Variants in OR9Q1 observed in about 807,000 individuals in gnomAD.
OR9Q1 encodes the protein olfactory receptor family 9 subfamily Q member 1, also known as olfactory receptor 9Q1.
For missense variants in OR9Q1, 374 were observed against 378.8 expected, an observed-to-expected ratio of 0.99 and a Z score of 0.11; for synonymous variants, 153 against 148.6, an observed-to-expected ratio of 1.03 and a Z score of -0.22.
At chr11:58,060,948 C>T (rs894639573) in intron 2 of OR9Q1, among the ~76,000 whole-genome samples, 7 of 152,186 alleles carry the variant, frequency 4.6e-5, no homozygotes, top group African/African-American at 7.2e-5. Flanking sequence ...CTGGGATCAT[C>T]GCCTTTGTCA....
intron 2 of OR9Q1, among the ~76,000 whole-genome samples, chr11:58,178,785 A>G (rs1854628399): frequency 6.6e-6 from 1 of 151,358 alleles, no homozygotes; most frequent in Non-Finnish European, 1.5e-5. Context: ...TCAACATGCT[A>G]AGATGACTCT....
At chr11:58,167,863 G>T (rs925008166) in intron 2 of OR9Q1, among the ~76,000 whole-genome samples, 1 of 152,246 alleles carries the variant, frequency 6.6e-6, no homozygotes, top group East Asian at 1.9e-4. Flanking sequence ...TTCAGAAATG[G>T]CACACCATCC....
At chr11:58,109,758 G>A in intron 2 of OR9Q1, 3 of 363,150 alleles carry the variant, frequency 8.3e-6, no homozygotes, top group South Asian at 6.4e-5. Flanking sequence ...TTAAGTAAAT[G>A]TCCCAGCCTC....
At chr11:58,066,753 T>A (rs910052445) in intron 2 of OR9Q1, among the ~76,000 whole-genome samples, 16 of 152,100 alleles carry the variant, frequency 1.1e-4, no homozygotes, top group African/African-American at 2.9e-4. Context: ...GGGTCTGTGT[T>A]TATGAAGAAG....
intron 2 of OR9Q1, among the ~76,000 whole-genome samples, chr11:58,062,421 A>T (rs1284690057): frequency 6.6e-6 from 1 of 152,176 alleles, no homozygotes; most frequent in Non-Finnish European, 1.5e-5. Context: ...TCCTAAGGAT[A>T]TGCCTGGCTC....
intron 2 of OR9Q1, among the ~76,000 whole-genome samples, chr11:58,140,524 C>A (rs1854236928): frequency 6.6e-6 from 1 of 152,148 alleles, no homozygotes; most frequent in Admixed American, 6.5e-5. Context: ...GTTTTCCCAG[C>A]ACCATTTATT....
In OR9Q1 at chr11:58,031,814, A is replaced by G. The variant is rs1853043926; in HGVS notation, c.-93+7710A>G. The G allele has an allele frequency of 3.1e-6, 5 of 1,614,164 alleles. No individual in the cohort carries two copies. The African/African-American group carries it at 4.0e-5, about 13-fold the overall frequency. On this transcript the variant is annotated intron_variant, in intron 1 of 2. Coordinates refer to ENST00000335397, the MANE Select transcript of OR9Q1 (RefSeq NM_001005212.4). Reference sequence around the variant, plus strand: ...TGTCTTCTACTCTGTTGTCACGCCCATGCTCAATCCTCTCATCTACAGTCT... The same window carrying G: ...TGTCTTCTACTCTGTTGTCACGCCCGTGCTCAATCCTCTCATCTACAGTCT...
chr11:58,150,502 A>C (rs1043861799), intron 2 of OR9Q1, among the ~76,000 whole-genome samples: 1 of 152,198 alleles, frequency 6.6e-6, no homozygotes, highest in Non-Finnish European at 1.5e-5. Flanking sequence ...GTAGTCATGC[A>C]CCACATAAGG....
chr11:58,072,178 A>G (rs1161298006), intron 2 of OR9Q1, among the ~76,000 whole-genome samples: 3 of 152,252 alleles, frequency 2.0e-5, no homozygotes, highest in African/African-American at 7.2e-5. Context: ...CAAAAGACTT[A>G]TAATACATAC....
chr11:58,129,839 G>A (rs1318983680), intron 2 of OR9Q1, among the ~76,000 whole-genome samples: 1 of 151,750 alleles, frequency 6.6e-6, no homozygotes, highest in Non-Finnish European at 1.5e-5. Flanking sequence ...AGCTATAAGA[G>A]GGCAGGGCTT....
chr11:58,152,674 T>C (rs1256877192), intron 2 of OR9Q1, among the ~76,000 whole-genome samples: 2 of 152,254 alleles, frequency 1.3e-5, no homozygotes, highest in Non-Finnish European at 2.9e-5. Flanking sequence ...AGTTCATTTA[T>C]GATGCTTTTA....
intron 2 of OR9Q1, among the ~76,000 whole-genome samples, chr11:58,137,847 C>T (rs1446014315): frequency 6.6e-6 from 1 of 152,164 alleles, no homozygotes; most frequent in African/African-American, 2.4e-5. Context: ...ATACCTAGAA[C>T]AGTATTTATC....
intron 2 of OR9Q1, among the ~76,000 whole-genome samples, chr11:58,080,589 C>G (rs1422039960): frequency 1.3e-5 from 2 of 152,176 alleles, no homozygotes; most frequent in African/African-American, 4.8e-5. Context: ...TGTGGCTGAA[C>G]TAATTTACAT....
At chr11:58,135,552 G>A (rs149311412) in intron 2 of OR9Q1, among the ~76,000 whole-genome samples, 70 of 152,280 alleles carry the variant, frequency 4.6e-4, no homozygotes, top group African/African-American at 1.6e-3. Flanking sequence ...TTTAGTGGCA[G>A]AGAGAGAATC....
In OR9Q1 at chr11:58,114,307, C is replaced by T. The variant is rs370214088; in HGVS notation, c.-15+58360C>T. On this transcript the variant is annotated intron_variant, in intron 2 of 2. Coordinates refer to ENST00000335397, the MANE Select transcript of OR9Q1 (RefSeq NM_001005212.4). ...TTGGGTGGTTTTATCATTTTGTCTA[C>T]ATCACCTAAGATGATGCTTATGTAT... is the stretch of plus-strand genomic sequence containing the variant. 3.3e-5 allele frequency among the ~76,000 whole-genome samples: 5 copies of T among 152,168 alleles called. No individual in the cohort carries two copies. In the South Asian group the frequency reaches 1.0e-3, roughly 31 times the overall value.
chr11:58,179,044 C>G (rs917285094), intron 2 of OR9Q1, among the ~76,000 whole-genome samples: 1 of 101,260 alleles, frequency 9.9e-6, no homozygotes, highest in Admixed American at 9.7e-5. Context: ...GAGACAGGCT[C>G]TCACTCTGTT....
Position 58,179,701 on chromosome 11 carries a change from T to C in OR9Q1, c.257T>C (p.Leu86Pro). Residue 86 changes from leucine (L) to proline (P), a missense_variant, in exon 3 of 3, where the codon CTG becomes CCG. Coordinates refer to ENST00000335397, the MANE Select transcript of OR9Q1 (RefSeq NM_001005212.4). The stretch of plus-strand genomic sequence containing the variant: ...GTCCCCCAGATGCTGGCAGTGCTGC[T>C]GGAGCATGGGGCAGCTTTATCTTAC... Reference protein sequence around the residue: ...ITVPQMLAVLLEHGAALSYTR... With the variant: ...ITVPQMLAVLPEHGAALSYTR... The C allele has an allele frequency of 1.9e-6, 3 of 1,614,218 alleles. No individual in the cohort carries two copies. Among genetic ancestry groups the C allele is most frequent in the Non-Finnish European group, 2.5e-6 (3 of 1,180,020 alleles).
chr11:58,072,179 T>TA (rs1853493925), intron 2 of OR9Q1, among the ~76,000 whole-genome samples: 1 of 152,216 alleles, frequency 6.6e-6, no homozygotes, highest in Non-Finnish European at 1.5e-5. Context: ...AAAAGACTTA[T>TA]AATACATACA....
chr11:58,163,459 G>A (rs1216566546), intron 2 of OR9Q1, among the ~76,000 whole-genome samples: 1 of 152,114 alleles, frequency 6.6e-6, no homozygotes, highest in Non-Finnish European at 1.5e-5. Flanking sequence ...TTCTTGTCTG[G>A]ACATTTTGAG....
Sources: allele counts gnomAD v4.1 joint callset (sites outside exome capture counted in the v4.1 genomes callset), GRCh38; gene constraint gnomAD v4.1.1; transcripts MANE v1.5; gene names NCBI Gene and HGNC (gene_info 2026-07-23, HGNC 2026-07-21).